RASSF3: variants seen among roughly 807,000 people sequenced by gnomAD.
RASSF3 encodes Ras association domain family member 3.
RASSF3 carries 19 observed loss-of-function variants against 19.9 expected under a neutral mutation model. The observed-to-expected ratio is 0.96, with a 90% CI of 0.67 to 1.40. The LOEUF (loss-of-function observed/expected upper bound fraction) is 1.40, where lower values mean the gene tolerates loss of function less well. Ranked by LOEUF, RASSF3 falls within the 40% of genes most tolerant of loss-of-function variation. The pLI, the probability that RASSF3 is intolerant of heterozygous loss-of-function variation, is 0.00. For synonymous variants in RASSF3, 110 were observed against 104.2 expected (o/e 1.06, Z -0.34); for missense variants, 306 against 289.8 (o/e 1.06, Z -0.41).
intron 1 of RASSF3, among the ~76,000 whole-genome samples, chr12:64,621,749 G>A (rs1010058514): frequency 6.6e-6 from 1 of 152,220 alleles, no homozygotes; most frequent in African/African-American, 2.4e-5. Flanking sequence ...TGGGATTATA[G>A]GCGTGAGCCA....
chr12:64,525,680 G>C (rs1401530340), intron 1 of RASSF3, among the ~76,000 whole-genome samples: 1 of 152,140 alleles, frequency 6.6e-6, no homozygotes, highest in Non-Finnish European at 1.5e-5. Flanking sequence ...TGGTGAGCGT[G>C]GGCGAAATTC....
downstream of RASSF3, among the ~76,000 whole-genome samples, chr12:64,546,364 G>A (rs1405049241): frequency 6.6e-6 from 1 of 152,014 alleles, no homozygotes; most frequent in Admixed American, 6.6e-5. Context: ...TCCGCCTCCC[G>A]GGTTCATGCC....
downstream of RASSF3, among the ~76,000 whole-genome samples, chr12:64,543,425 CCCCGCCCGCCCCCCCCGTG>C (rs1197364234): frequency 1.1e-4 from 6 of 53,334 alleles, no homozygotes; most frequent in African/African-American, 6.2e-4. Flanking sequence ...CCCCCCGGCT[CCCCGCCCGCCCCCCCCGTG>C]CCCGCCCGCC....
chr12:64,634,972 T>C (rs1432498833), intron 1 of RASSF3, among the ~76,000 whole-genome samples: 24 of 147,716 alleles, frequency 1.6e-4, no homozygotes, highest in African/African-American at 4.5e-4. Flanking sequence ...CTTTTCTTTT[T>C]TTTTTTTTTT....
chr12:64,642,333 G>A (rs927397745), intron 1 of RASSF3, among the ~76,000 whole-genome samples: 4 of 151,754 alleles, frequency 2.6e-5, no homozygotes, highest in South Asian at 2.1e-4. Context: ...GCCGAGGCAG[G>A]CAGATCACCT....
At chr12:64,646,460 T>C (rs7135985) in intron 1 of RASSF3, among the ~76,000 whole-genome samples, 9,811 of 152,292 alleles carry the variant, frequency 0.064, 383 homozygotes, top group Non-Finnish European at 0.09. Flanking sequence ...AGTTTCTGAT[T>C]AGTGCAAGTT....
chr12:64,510,651 A>T (rs1197358105), intron 1 of RASSF3, among the ~76,000 whole-genome samples: 1 of 152,212 alleles, frequency 6.6e-6, no homozygotes, highest in East Asian at 1.9e-4. Flanking sequence ...CCCCTAGAAG[A>T]CAATAAGTTA....
chr12:64,694,954 T>A lies in RASSF3; in HGVS notation c.*42T>A. 6.3e-7 allele frequency: 1 copy of A among 1,598,538 alleles called. No homozygotes were observed. Among genetic ancestry groups the A allele is most frequent in the South Asian group, 1.1e-5 (1 of 90,494 alleles). On this transcript the variant is annotated 3_prime_UTR_variant, in exon 5 of 5. Coordinates refer to ENST00000542104, the MANE Select transcript of RASSF3 (RefSeq NM_178169.4). Reference sequence around the variant, plus strand: ...CGTGAGGCCCGGTGCAGGACCGATGTACAAAACAGCAGCAAGTGCCTCTCT... The same window carrying A: ...CGTGAGGCCCGGTGCAGGACCGATGAACAAAACAGCAGCAAGTGCCTCTCT...
chr12:64,685,247 T>C (rs181219394), intron 2 of RASSF3, among the ~76,000 whole-genome samples: 2 of 152,224 alleles, frequency 1.3e-5, no homozygotes, highest in East Asian at 3.9e-4. Flanking sequence ...GTAAGGTTTT[T>C]TGTTTTGTTT....
chr12:64,573,246 GGCTGCAGTGA>G (rs200296502), intron 2 of RASSF3, among the ~76,000 whole-genome samples: 1,900 of 152,214 alleles, frequency 0.012, 34 homozygotes, highest in African/African-American at 0.044. Flanking sequence ...GGGAGGTCAA[GGCTGCAGTGA>G]GCTGTTATCA....
intron 2 of RASSF3, among the ~76,000 whole-genome samples, chr12:64,593,281 G>C (rs535613185): frequency 6.6e-6 from 1 of 152,192 alleles, no homozygotes; most frequent in African/African-American, 2.4e-5. Flanking sequence ...GAGTGCAGTA[G>C]AGCTATCTCA....
chr12:64,641,414 A>ACACACACACACACACGCGCG, intron 1 of RASSF3, among the ~76,000 whole-genome samples: 12 of 142,194 alleles, frequency 8.4e-5, no homozygotes, highest in African/African-American at 3.1e-4. Context: ...ACACACACAC[A>ACACACACACACACACGCGCG]CGCGCGCGCG....
chr12:64,593,647 G>A (rs935853319), intron 2 of RASSF3, among the ~76,000 whole-genome samples: 1 of 152,114 alleles, frequency 6.6e-6, no homozygotes, highest in African/African-American at 2.4e-5. Context: ...TCTAGCTGGG[G>A]ATATGAGGAC....
At chr12:64,609,713 T>G (rs1345338452), upstream of RASSF3, among the ~76,000 whole-genome samples, 1 of 152,186 alleles carries the variant, frequency 6.6e-6, no homozygotes, top group Non-Finnish European at 1.5e-5. Flanking sequence ...TGGGTGACCG[T>G]GGAAGGCTGA....
chr12:64,593,734 A>G (rs1455583964), intron 2 of RASSF3, among the ~76,000 whole-genome samples: 1 of 152,156 alleles, frequency 6.6e-6, no homozygotes, highest in Non-Finnish European at 1.5e-5. Flanking sequence ...ATCCTGTAGC[A>G]AAGCTGAATA....
chr12:64,630,069 G>C (rs1465380858), intron 1 of RASSF3: 1 of 151,770 alleles, frequency 6.6e-6, no homozygotes, highest in African/African-American at 2.4e-5. Flanking sequence ...CAAATTCCCA[G>C]ATCCTAAATG....
intron 2 of RASSF3, among the ~76,000 whole-genome samples, chr12:64,568,100 T>C (rs1869460192): frequency 6.6e-6 from 1 of 152,174 alleles, no homozygotes; most frequent in African/African-American, 2.4e-5. Flanking sequence ...GGCGCGATCT[T>C]GGCTCACTGC....
chr12:64,507,432 A>G (rs565144335), intron 1 of RASSF3: 4 of 396,934 alleles, frequency 1.0e-5, no homozygotes, highest in African/African-American at 8.2e-5. Flanking sequence ...GAGGAGTGGG[A>G]AAGAAAAGTC....
intron 1 of RASSF3, among the ~76,000 whole-genome samples, chr12:64,651,903 C>G (rs986027480): frequency 6.6e-6 from 1 of 152,144 alleles, no homozygotes; most frequent in Non-Finnish European, 1.5e-5. Context: ...TCAAGCAATC[C>G]TCCTGCCTTG....
Sources: allele counts gnomAD v4.1 joint callset (sites outside exome capture counted in the v4.1 genomes callset), GRCh38; gene constraint gnomAD v4.1.1; transcripts MANE v1.5; gene names NCBI Gene and HGNC (gene_info 2026-07-23, HGNC 2026-07-21).